The following HADH variants were observed in gnomAD, a reference collection of about 807,000 sequenced individuals.
HADH encodes the protein hydroxyacyl-coenzyme A dehydrogenase, mitochondrial.
A neutral mutation model predicts 32.2 loss-of-function variants in HADH; 24 were observed. That is an observed-to-expected ratio of 0.75 (90% confidence interval 0.54 to 1.05). HADH has a LOEUF of 1.05. Among genes scored for constraint, HADH ranks in the 50% least tolerant of loss-of-function variants. The probability of loss-of-function intolerance (pLI) is 0.00; values close to 1 mark genes in which losing one functional copy is unlikely to be tolerated. For missense variants in HADH, 350 were observed against 397.1 expected (o/e 0.88, Z 1.01); for synonymous variants, 139 against 152.5 (o/e 0.91, Z 0.65).
chr4:108,031,134 G>A (rs1359060672), intron 6 of HADH: 5 of 152,232 alleles, frequency 3.3e-5, no homozygotes, highest in Non-Finnish European at 1.5e-5. Context: ...GAGACTGCCA[G>A]TAACAAATGA....
At chr4:108,014,272 G>A (rs1314802001) in intron 2 of HADH, among the ~76,000 whole-genome samples, 159 bp from the exon 3 acceptor site, 3 of 152,240 alleles carry the variant, frequency 2.0e-5, no homozygotes, top group African/African-American at 7.2e-5. Flanking sequence ...AGCTATGGAA[G>A]GATAAATTAC....
At chr4:108,014,297 C>A in intron 2 of HADH, 134 bp from the exon 3 acceptor site, 1 of 921,834 alleles carries the variant, frequency 1.1e-6, no homozygotes, top group Non-Finnish European at 1.8e-6. Context: ...TTCGTGGACA[C>A]TTTGAGAACA....
At chr4:108,013,153 G>A (rs145903158) in intron 2 of HADH, among the ~76,000 whole-genome samples, 2,980 of 152,270 alleles carry the variant, frequency 0.02, 100 homozygotes, top group African/African-American at 0.066. Flanking sequence ...GGATGGTCTC[G>A]ATCTCCTAAC....
At chr4:107,994,077 G>A (rs1431705581) in intron 1 of HADH, among the ~76,000 whole-genome samples, 1 of 152,136 alleles carries the variant, frequency 6.6e-6, no homozygotes, top group African/African-American at 2.4e-5. Flanking sequence ...GAGCCAGTGG[G>A]CTCCCTGGGA....
At chr4:107,995,840 G>A (rs1361879893) in intron 1 of HADH, among the ~76,000 whole-genome samples, 3 of 152,054 alleles carry the variant, frequency 2.0e-5, no homozygotes, top group Non-Finnish European at 4.4e-5. Flanking sequence ...GATCCTCTGT[G>A]GCTCTCTGGA....
chr4:108,032,090 A>C (rs1736285530), intron 6 of HADH: 1 of 400,910 alleles, frequency 2.5e-6, no homozygotes, highest in African/African-American at 2.1e-5. Context: ...ATCGATGTTT[A>C]AGTAGTTTCT....
At chr4:107,991,905 T>G (rs1456198048) in intron 1 of HADH, among the ~76,000 whole-genome samples, 2 of 152,222 alleles carry the variant, frequency 1.3e-5, no homozygotes, top group African/African-American at 4.8e-5. Flanking sequence ...GCTGGTGTCC[T>G]TGAAGACAGC....
intron 6 of HADH, chr4:108,028,975 G>T: frequency 2.5e-6 from 1 of 398,546 alleles, no homozygotes; most frequent in East Asian, 3.6e-5. Context: ...GGAAGAGCAG[G>T]ACCTGGCCTC....
At chr4:108,015,378 T>C (rs74789674) in intron 3 of HADH, among the ~76,000 whole-genome samples, 5,986 of 152,322 alleles carry the variant, frequency 0.039, 161 homozygotes, top group Non-Finnish European at 0.061. Flanking sequence ...TCTCTGTTGA[T>C]TAGTGATGCT....
Position 108,014,591 on chromosome 4 carries a change from A to G in HADH, c.419+3A>G. 1 of 1,605,636 alleles carries G rather than the reference A, an allele frequency of 6.2e-7. No homozygotes were observed. Among genetic ancestry groups the G allele is most frequent in the South Asian group, 1.1e-5 (1 of 90,912 alleles). ...AGGCTGGACAAGTTTGCTGCTGAGT[A>G]TGTAACCTCTGGACAATCTTCTTTT... On this transcript the variant is annotated splice_donor_region_variant and intron_variant, in intron 3 of 7. Transcript: ENST00000309522.
At chr4:108,001,818 C>G (rs1352580619) in intron 1 of HADH, among the ~76,000 whole-genome samples, 6 of 152,158 alleles carry the variant, frequency 3.9e-5, no homozygotes, top group Admixed American at 3.3e-4. Context: ...TCATTTATTT[C>G]TATAATTTCC....
rs1560719333 is a variant in HADH at position 107,991,169 on chromosome 4, A to ATTTT, written c.132+1105_132+1106insTTTT. Among the ~76,000 whole-genome samples, 398 of 150,898 alleles carry ATTTT rather than the reference A, an allele frequency of 2.6e-3. 4 individuals are homozygous for ATTTT. Among genetic ancestry groups the ATTTT allele is most frequent in the African/African-American group, 8.8e-3 (362 of 41,200 alleles). On this transcript the variant is annotated intron_variant, in intron 1 of 7. Coordinates refer to ENST00000309522, the MANE Select transcript of HADH (RefSeq NM_005327.7). The stretch of plus-strand genomic sequence containing the variant: ...TAATGCTTGTACTTTTTTTTTTTAA[A>ATTTT]AATTATTCCATTTCAGCTCACATTG...
chr4:108,007,667 G>A (rs1735335285), intron 1 of HADH, among the ~76,000 whole-genome samples: 1 of 152,188 alleles, frequency 6.6e-6, no homozygotes, highest in Non-Finnish European at 1.5e-5. Flanking sequence ...GTCCATCTCT[G>A]TTATGGCCCA....
chr4:108,012,437 A>G (rs1404133574), intron 2 of HADH, among the ~76,000 whole-genome samples: 1 of 152,202 alleles, frequency 6.6e-6, no homozygotes, highest in Middle Eastern at 3.2e-3. Context: ...TTTTTGCCAC[A>G]AGAGTACACC....
chr4:108,022,276 AT>A, intron 4 of HADH, among the ~76,000 whole-genome samples: 2 of 151,136 alleles, frequency 1.3e-5, no homozygotes, highest in Non-Finnish European at 2.9e-5. Context: ...TTAAAAATAT[AT>A]ATATATATAC....
chr4:108,014,360 A>G, intron 2 of HADH, 71 bp from the exon 3 acceptor site: 6 of 1,572,306 alleles, frequency 3.8e-6, no homozygotes, highest in Non-Finnish European at 5.3e-6. Flanking sequence ...TAACTGGAGC[A>G]GAGCTAAGAA....
chr4:108,025,746 G>A (rs1480954162), intron 5 of HADH: 2 of 152,154 alleles, frequency 1.3e-5, no homozygotes, highest in Admixed American at 1.3e-4. Flanking sequence ...TGGGCATGGT[G>A]GTGTGCACCT....
At chr4:107,993,141 A>G (rs1358743720) in intron 1 of HADH, among the ~76,000 whole-genome samples, 1 of 152,154 alleles carries the variant, frequency 6.6e-6, no homozygotes, top group African/African-American at 2.4e-5. Flanking sequence ...AAGAATAATC[A>G]TCATCTTCAT....
chr4:108,002,525 T>A (rs996770954), intron 1 of HADH, among the ~76,000 whole-genome samples: 1 of 152,156 alleles, frequency 6.6e-6, no homozygotes, highest in African/African-American at 2.4e-5. Context: ...TATATTACAA[T>A]GTAATAATAA....
Sources: gnomAD v4.1 joint callset for allele counts (sites outside exome capture counted in the v4.1 genomes callset) on GRCh38, gnomAD v4.1.1 for gene constraint, MANE v1.5 for transcripts, NCBI Gene and HGNC (gene_info 2026-07-23, HGNC 2026-07-21) for gene names.